Variants in KANK1 observed in about 807,000 individuals in gnomAD.
The protein encoded by KANK1 is KN motif and ankyrin repeat domain-containing protein 1.
Under a neutral mutation model 106.2 loss-of-function variants are expected in KANK1, and 109 were observed. That is an observed-to-expected ratio of 1.03 (90% CI 0.88 to 1.20). The LOEUF is 1.20. KANK1 is among the 50% of genes most tolerant of loss of function. The probability of loss-of-function intolerance (pLI) is 0.00; values close to 1 mark genes in which losing one functional copy is unlikely to be tolerated. For missense variants in KANK1, 2,399 were observed against 1,710.7 expected (o/e 1.40, Z -7.10); for synonymous variants, 873 against 652.2 (o/e 1.34, Z -5.16).
intron 3 of KANK1, among the ~76,000 whole-genome samples, chr9:492,992 C>G (rs549704922): frequency 6.7e-6 from 1 of 148,998 alleles, no homozygotes; most frequent in Non-Finnish European, 1.5e-5. Context: ...CCATTGCACT[C>G]CAGCCTGGGC....
At chr9:707,193 G>C (rs77010388) in intron 2 of KANK1, 20,578 of 985,968 alleles carry the variant, frequency 0.021, 272 homozygotes, top group Middle Eastern at 0.06. Context: ...GGCTGAGCTG[G>C]AGCGAGCTGT....
intron 1 of KANK1, among the ~76,000 whole-genome samples, chr9:530,997 T>G (rs7864477): frequency 6.6e-6 from 1 of 152,050 alleles, no homozygotes; most frequent in Non-Finnish European, 1.5e-5. Context: ...ATGCAAACTT[T>G]AAAGGAAACT....
rs189197909 is a variant in KANK1, at chr9:551,999, C to T, written c.-84+47245C>T. Reference sequence around the variant, plus strand: ...TGAGCTCAGAAGGTCAAGGCTGCAACGAGCTATGATCGCACCACTGTATTC... The same window carrying T: ...TGAGCTCAGAAGGTCAAGGCTGCAATGAGCTATGATCGCACCACTGTATTC... On this transcript the variant is annotated intron_variant, in intron 1 of 11. Coordinates refer to ENST00000382297, the MANE Select transcript of KANK1 (RefSeq NM_015158.5). Among the ~76,000 whole-genome samples the T allele has an allele frequency of 5.3e-3, 811 of 152,096 alleles. 7 individuals are homozygous for T. The highest frequency in any genetic ancestry group is 9.1e-3 in the Non-Finnish European group (622 of 67,986).
intron 1 of KANK1, among the ~76,000 whole-genome samples, chr9:575,636 A>C (rs986685730): frequency 1.3e-5 from 2 of 152,166 alleles, no homozygotes; most frequent in East Asian, 3.9e-4. Context: ...ATGTCACTGC[A>C]CTCCAGCCTG....
intron 1 of KANK1, among the ~76,000 whole-genome samples, chr9:533,326 G>A (rs2021984): frequency 0.46 from 69,617 of 151,992 alleles, 20,167 homozygotes; most frequent in African/African-American, 0.83. Flanking sequence ...AGATTTGCCA[G>A]TTTGTGACTT....
chr9:491,959 T>A (rs1029464495), intron 3 of KANK1: 1 of 152,236 alleles, frequency 6.6e-6, no homozygotes, highest in African/African-American at 2.4e-5. Context: ...CCTTCCGCCA[T>A]GATTTTGAGG....
chr9:531,844 CTG>C (rs762412399), intron 1 of KANK1, among the ~76,000 whole-genome samples: 1 of 151,948 alleles, frequency 6.6e-6, no homozygotes, highest in African/African-American at 2.4e-5. Flanking sequence ...GTGGCTGCTT[CTG>C]TGTGTGTGTG....
chr9:634,130 T>A lies in KANK1; in HGVS notation c.-83-42760T>A, dbSNP rs1465047199. ...CTGTGATATTGCAGTAAAGAAAGAGTTTAATGAATGCTAGGCCAGCAATGT... is the reference window on the plus strand; with the variant it reads ...CTGTGATATTGCAGTAAAGAAAGAGATTAATGAATGCTAGGCCAGCAATGT... On this transcript the variant is annotated intron_variant, in intron 1 of 11. Coordinates refer to ENST00000382297, the MANE Select transcript of KANK1 (RefSeq NM_015158.5). Among the ~76,000 whole-genome samples the A allele has an allele frequency of 2.0e-5, 3 of 151,532 alleles. No individual in the cohort carries two copies. In the East Asian group the frequency reaches 5.8e-4, roughly 29 times the overall value.
At chr9:665,736 A>G (rs1844417389) in intron 1 of KANK1, among the ~76,000 whole-genome samples, 1 of 152,186 alleles carries the variant, frequency 6.6e-6, no homozygotes, top group Non-Finnish European at 1.5e-5. Flanking sequence ...TGAATCAGTA[A>G]ACTGCTTTGG....
intron 1 of KANK1, among the ~76,000 whole-genome samples, chr9:608,184 C>T (rs1002979340): frequency 1.3e-5 from 2 of 149,354 alleles, no homozygotes; most frequent in African/African-American, 5.0e-5. Flanking sequence ...ACTACAGGCG[C>T]CCGCCACCGC....
intron 1 of KANK1, among the ~76,000 whole-genome samples, chr9:623,605 A>C (rs1474582546): frequency 1.8e-5 from 1 of 57,094 alleles, no homozygotes; most frequent in African/African-American, 3.5e-5. Flanking sequence ...ATTGTGTCTC[A>C]AAAAAAAAAA....
At chr9:496,267 T>C (rs1394694189) in intron 3 of KANK1, among the ~76,000 whole-genome samples, 2 of 152,186 alleles carry the variant, frequency 1.3e-5, no homozygotes, top group African/African-American at 4.8e-5. Flanking sequence ...TAAAACTACA[T>C]TCTTGGCCAA....
At chr9:559,487 C>T (rs1313213050) in intron 1 of KANK1, among the ~76,000 whole-genome samples, 1 of 151,898 alleles carries the variant, frequency 6.6e-6, no homozygotes, top group African/African-American at 2.4e-5. Flanking sequence ...GTTTGAGTGT[C>T]CAGGCCTGGT....
rs72691347 is a variant in KANK1 at position 653,933 on chromosome 9, T to G, written c.-83-22957T>G. 8.2e-3 allele frequency among the ~76,000 whole-genome samples: 1,248 copies of G among 152,256 alleles called. 25 individuals are homozygous for G. The highest frequency in any genetic ancestry group is 0.028 in the African/African-American group (1,163 of 41,518). On this transcript the variant is annotated intron_variant, in intron 1 of 11. Transcript: ENST00000382297. ...CTCCCATCACACTAGCACAACTGCTTTCATTTTTTGCAGAGTGTGCCACCC... is the reference window on the plus strand; with the variant it reads ...CTCCCATCACACTAGCACAACTGCTGTCATTTTTTGCAGAGTGTGCCACCC...
upstream of KANK1, among the ~76,000 whole-genome samples, chr9:502,050 G>C (rs1231321692): frequency 6.6e-6 from 1 of 152,216 alleles, no homozygotes; most frequent in Non-Finnish European, 1.5e-5. Flanking sequence ...ACATACTACA[G>C]CATGGATGAG....
chr9:722,593 C>T (rs1167664442), intron 3 of KANK1, among the ~76,000 whole-genome samples: 1 of 152,192 alleles, frequency 6.6e-6, no homozygotes, highest in East Asian at 1.9e-4. Context: ...CAAGTGGGTC[C>T]TTATCAAGTT....
At chr9:588,713 C>T (rs914111732) in intron 1 of KANK1, among the ~76,000 whole-genome samples, 1 of 152,164 alleles carries the variant, frequency 6.6e-6, no homozygotes, top group East Asian at 1.9e-4. Context: ...ACCCACTTTG[C>T]CACTAACAGA....
At chr9:628,852 G>A (rs746940257) in intron 1 of KANK1, among the ~76,000 whole-genome samples, 8 of 152,026 alleles carry the variant, frequency 5.3e-5, no homozygotes, top group Non-Finnish European at 7.4e-5. Context: ...GTCAAAGTGC[G>A]CAGATCACTT....
chr9:510,414 G>A (rs1392973812), intron 1 of KANK1, among the ~76,000 whole-genome samples: 3 of 152,192 alleles, frequency 2.0e-5, no homozygotes, highest in Non-Finnish European at 4.4e-5. Flanking sequence ...TCTTACACAT[G>A]ACCAAGGAGT....
Sources: gnomAD v4.1 joint callset for allele counts (sites outside exome capture counted in the v4.1 genomes callset) on GRCh38, gnomAD v4.1.1 for gene constraint, MANE v1.5 for transcripts, NCBI Gene and HGNC (gene_info 2026-07-23, HGNC 2026-07-21) for gene names.